Variants in BICC1 observed in about 807,000 individuals in gnomAD.
BICC1 encodes the protein BicC family RNA binding protein 1, also known as protein bicaudal C homolog 1.
In BICC1, 43 loss-of-function variants were observed where a neutral mutation model predicts 111.0. The ratio of observed to expected loss-of-function variants is 0.39; its 90% CI spans 0.30 to 0.50. The LOEUF (loss-of-function observed/expected upper bound fraction) is 0.50, where lower values mean the gene tolerates loss of function less well. BICC1 is among the 20% of genes least tolerant of loss of function. The probability of loss-of-function intolerance (pLI) is 0.88; values close to 1 mark genes in which losing one functional copy is unlikely to be tolerated. For synonymous variants in BICC1, 467 were observed against 434.4 expected (o/e 1.07, Z -0.93); for missense variants, 1,091 against 1,203.2 (o/e 0.91, Z 1.38).
chr10:58,755,386 A>T (rs1842116756), intron 3 of BICC1, among the ~76,000 whole-genome samples: 1 of 152,180 alleles, frequency 6.6e-6, no homozygotes, highest in Non-Finnish European at 1.5e-5. Flanking sequence ...AACTGAGAAG[A>T]GCTGATTCCT....
At chr10:58,762,905 A>G (rs1167036840) in intron 3 of BICC1, among the ~76,000 whole-genome samples, 2 of 151,404 alleles carry the variant, frequency 1.3e-5, no homozygotes, top group African/African-American at 4.8e-5. Flanking sequence ...GGCCCAGTAC[A>G]TTCTTCAGTG....
intron 3 of BICC1, among the ~76,000 whole-genome samples, chr10:58,716,781 TG>T (rs200988060): frequency 1.0e-4 from 15 of 148,430 alleles, no homozygotes; most frequent in African/African-American, 3.4e-4. Context: ...CTTTTAGGGT[TG>T]GGGGGGTGGT....
chr10:58,521,573 G>A (rs924486379), intron 1 of BICC1, among the ~76,000 whole-genome samples: 12 of 152,080 alleles, frequency 7.9e-5, no homozygotes, highest in African/African-American at 2.6e-4. Flanking sequence ...AATCTGCAGG[G>A]TAATCTGCTC....
intron 3 of BICC1, among the ~76,000 whole-genome samples, 192 bp downstream of exon 3, chr10:58,702,335 A>C (rs1407086024): frequency 1.3e-5 from 2 of 152,248 alleles, no homozygotes; most frequent in Non-Finnish European, 2.9e-5. Flanking sequence ...AAAAATATTA[A>C]CTATTAACAT....
chr10:58,514,961 T>A (rs1159546734), intron 1 of BICC1, among the ~76,000 whole-genome samples: 1 of 152,220 alleles, frequency 6.6e-6, no homozygotes, highest in African/African-American at 2.4e-5. Flanking sequence ...TACATTAGTT[T>A]GGAGTGATAT....
intron 1 of BICC1, among the ~76,000 whole-genome samples, chr10:58,594,480 G>A (rs1032450564): frequency 3.4e-4 from 52 of 152,132 alleles, no homozygotes; most frequent in African/African-American, 1.2e-3. Flanking sequence ...AGAGAGAAAG[G>A]TCAGGCTACC....
intron 3 of BICC1, among the ~76,000 whole-genome samples, chr10:58,709,879 G>A (rs1015282851): frequency 6.6e-6 from 1 of 152,166 alleles, no homozygotes; most frequent in African/African-American, 2.4e-5. Context: ...TCATTCACAG[G>A]ACACCTGAAT....
chr10:58,718,938 A>G (rs1428072498), intron 3 of BICC1, among the ~76,000 whole-genome samples: 1 of 152,090 alleles, frequency 6.6e-6, no homozygotes, highest in African/African-American at 2.4e-5. Flanking sequence ...TTTTATTTCT[A>G]TGTGTTGGGA....
intron 3 of BICC1, among the ~76,000 whole-genome samples, chr10:58,711,014 A>G (rs749902818): frequency 1.5e-4 from 23 of 151,994 alleles, no homozygotes; most frequent in Admixed American, 3.9e-4. Context: ...ATACCTGGCT[A>G]ATGTTTAAAT....
At chr10:58,688,361 TG>T (rs1316569939) in intron 2 of BICC1, among the ~76,000 whole-genome samples, 1 of 152,138 alleles carries the variant, frequency 6.6e-6, no homozygotes, top group African/African-American at 2.4e-5. Context: ...GAGCACTGAT[TG>T]GTGCGTTTTT....
At chr10:58,609,364 G>T (rs7915366) in intron 1 of BICC1, among the ~76,000 whole-genome samples, 1 of 152,132 alleles carries the variant, frequency 6.6e-6, no homozygotes, top group South Asian at 2.1e-4. Flanking sequence ...TTTGTTTTCA[G>T]TTCCTCATAG....
intron 2 of BICC1, among the ~76,000 whole-genome samples, chr10:58,697,946 C>A (rs191994127): frequency 6.6e-6 from 1 of 151,884 alleles, no homozygotes; most frequent in East Asian, 1.9e-4. Context: ...TGACAGAATG[C>A]GTCACACTCC....
At chr10:58,690,906 G>T (rs1040672695) in intron 2 of BICC1, among the ~76,000 whole-genome samples, 1 of 152,126 alleles carries the variant, frequency 6.6e-6, no homozygotes, top group Non-Finnish European at 1.5e-5. Context: ...TGCATTCAAG[G>T]TTTGGTAGCT....
At chr10:58,708,473 A>G (rs1431980031) in intron 3 of BICC1, among the ~76,000 whole-genome samples, 1 of 151,932 alleles carries the variant, frequency 6.6e-6, no homozygotes, top group Middle Eastern at 3.2e-3. Flanking sequence ...GGTTAAGAGC[A>G]GAGGTTTAAT....
intron 2 of BICC1, among the ~76,000 whole-genome samples, chr10:58,635,621 A>G (rs1053727266): frequency 5.9e-5 from 9 of 152,172 alleles, no homozygotes; most frequent in Non-Finnish European, 1.2e-4. Flanking sequence ...TTCTCTGACA[A>G]CTCACCATTG....
chr10:58,586,568 T>C (rs1844433993), intron 1 of BICC1, among the ~76,000 whole-genome samples: 1 of 150,390 alleles, frequency 6.6e-6, no homozygotes, highest in South Asian at 2.1e-4. Flanking sequence ...TGAGCGGAGA[T>C]TGTGCCACTA....
At chr10:58,653,083 C>A (rs1348342619) in intron 2 of BICC1, among the ~76,000 whole-genome samples, 2 of 152,090 alleles carry the variant, frequency 1.3e-5, no homozygotes, top group Admixed American at 6.6e-5. Flanking sequence ...TAGAGCTAAT[C>A]ATTGATTTTT....
chr10:58,714,480 A>G (rs981377043), intron 3 of BICC1, among the ~76,000 whole-genome samples: 1 of 152,200 alleles, frequency 6.6e-6, no homozygotes, highest in African/African-American at 2.4e-5. Flanking sequence ...TTTATTCTCC[A>G]TGAGTGTTTC....
At chr10:58,637,759 T>G (rs1348875098) in intron 2 of BICC1, among the ~76,000 whole-genome samples, 1 of 152,240 alleles carries the variant, frequency 6.6e-6, no homozygotes, top group Non-Finnish European at 1.5e-5. Context: ...ACATAGTAGA[T>G]TCTGTCAGTT....
Sources: allele counts gnomAD v4.1 joint callset (sites outside exome capture counted in the v4.1 genomes callset), GRCh38; gene constraint gnomAD v4.1.1; transcripts MANE v1.5; gene names NCBI Gene and HGNC (gene_info 2026-07-23, HGNC 2026-07-21).